SLC39A11: variants seen among roughly 807,000 people sequenced by gnomAD.
SLC39A11 encodes the protein zinc transporter ZIP11.
A neutral mutation model predicts 36.1 loss-of-function variants in SLC39A11; 33 were observed. That is an observed-to-expected ratio of 0.91 (90% CI 0.69 to 1.22). The LOEUF is 1.22. SLC39A11 is among the 50% of genes most tolerant of loss of function. SLC39A11 has a pLI of 0.00. For missense variants in SLC39A11, 432 were observed against 430.3 expected (o/e 1.00, Z -0.03); for synonymous variants, 166 against 170.3 (o/e 0.97, Z 0.20).
intron 7 of SLC39A11, among the ~76,000 whole-genome samples, chr17:72,685,386 G>A (rs1280035715): frequency 6.6e-6 from 1 of 152,294 alleles, no homozygotes; most frequent in African/African-American, 2.4e-5. Flanking sequence ...GGGCGGTTGA[G>A]GGCAAAATAA....
At chr17:72,701,309 C>T (rs2072605374) in intron 7 of SLC39A11, among the ~76,000 whole-genome samples, 1 of 152,212 alleles carries the variant, frequency 6.6e-6, no homozygotes, top group African/African-American at 2.4e-5. Context: ...TAGCTCCGCT[C>T]TCCACTGAGG....
chr17:73,004,163 A>AAAAGAAAGAAAAAG (rs2089999777), intron 4 of SLC39A11, among the ~76,000 whole-genome samples: 7 of 100,234 alleles, frequency 7.0e-5, no homozygotes, highest in African/African-American at 3.3e-4. Context: ...AAGAAGGAAA[A>AAAAGAAAGAAAAAG]AAAGAAAGAA....
chr17:72,834,812 T>C (rs1270717695), intron 6 of SLC39A11, among the ~76,000 whole-genome samples: 1 of 152,220 alleles, frequency 6.6e-6, no homozygotes, highest in Non-Finnish European at 1.5e-5. Flanking sequence ...GGTAGGAGGA[T>C]GGCATAATAC....
At chr17:72,780,572 C>T (rs1165249138) in intron 6 of SLC39A11, among the ~76,000 whole-genome samples, 1 of 150,688 alleles carries the variant, frequency 6.6e-6, no homozygotes, top group South Asian at 2.1e-4. Flanking sequence ...CTTGAACTTG[C>T]TCTGTGTCAG....
chr17:73,010,909 C>T (rs1422463821), intron 4 of SLC39A11, among the ~76,000 whole-genome samples: 2 of 152,196 alleles, frequency 1.3e-5, no homozygotes, highest in Non-Finnish European at 2.9e-5. Context: ...AAGCGTTTTC[C>T]TAACAATGAT....
At chr17:72,930,345 A>G (rs1267506321) in intron 5 of SLC39A11, among the ~76,000 whole-genome samples, 1 of 152,156 alleles carries the variant, frequency 6.6e-6, no homozygotes, top group African/African-American at 2.4e-5. Context: ...TTAATCCCAT[A>G]ACTAGCAAAG....
chr17:72,863,097 G>A (rs894213038), intron 5 of SLC39A11, among the ~76,000 whole-genome samples: 1 of 152,156 alleles, frequency 6.6e-6, no homozygotes, highest in Non-Finnish European at 1.5e-5. Context: ...AGAGGAGGAA[G>A]ATAGATCTAG....
intron 6 of SLC39A11, among the ~76,000 whole-genome samples, chr17:72,780,092 C>T (rs1002743478): frequency 7.2e-5 from 11 of 152,186 alleles, no homozygotes; most frequent in Non-Finnish European, 1.2e-4. Flanking sequence ...AAGTAGCCAA[C>T]GCAAAGATGA....
At chr17:72,771,533 C>T (rs1196118170) in intron 6 of SLC39A11, among the ~76,000 whole-genome samples, 1 of 151,912 alleles carries the variant, frequency 6.6e-6, no homozygotes, top group Non-Finnish European at 1.5e-5. Flanking sequence ...AGGAGGAGAG[C>T]CTGCAGCTGA....
intron 5 of SLC39A11, among the ~76,000 whole-genome samples, chr17:72,909,963 A>G (rs1356462021): frequency 6.6e-6 from 1 of 151,518 alleles, no homozygotes; most frequent in Non-Finnish European, 1.5e-5. Context: ...CGTGTTAGCC[A>G]GGATGGTCTC....
chr17:72,974,191 C>T (rs1304397477), intron 4 of SLC39A11, among the ~76,000 whole-genome samples: 1 of 152,152 alleles, frequency 6.6e-6, no homozygotes, highest in Non-Finnish European at 1.5e-5. Flanking sequence ...CCTCTACCTC[C>T]CAGGTTCAAC....
intron 6 of SLC39A11, among the ~76,000 whole-genome samples, chr17:72,779,374 G>A (rs1297751046): frequency 1.3e-5 from 2 of 152,124 alleles, no homozygotes; most frequent in Admixed American, 6.6e-5. Context: ...GCAGTGAGCC[G>A]AGATTGGACC....
intron 5 of SLC39A11, among the ~76,000 whole-genome samples, chr17:72,881,187 C>A (rs1181655737): frequency 6.6e-6 from 1 of 152,078 alleles, no homozygotes; most frequent in Non-Finnish European, 1.5e-5. Flanking sequence ...CATCATATGT[C>A]CACACAAAGA....
intron 4 of SLC39A11, among the ~76,000 whole-genome samples, chr17:72,956,993 T>G (rs1029432465): frequency 6.6e-6 from 1 of 151,990 alleles, no homozygotes; most frequent in Non-Finnish European, 1.5e-5. Flanking sequence ...AGGGGCTGGA[T>G]GGTCTAAGAT....
intron 4 of SLC39A11, among the ~76,000 whole-genome samples, chr17:73,012,658 G>A (rs181228629): frequency 2.0e-5 from 3 of 152,160 alleles, no homozygotes; most frequent in South Asian, 4.2e-4. Flanking sequence ...AGTCAGCACA[G>A]TACCCAGTAG....
At chr17:72,980,434 C>T (rs1179170695) in intron 4 of SLC39A11, among the ~76,000 whole-genome samples, 1 of 152,154 alleles carries the variant, frequency 6.6e-6, no homozygotes, top group East Asian at 1.9e-4. Context: ...GAGCTTTGTT[C>T]TTAGGCAGAA....
intron 7 of SLC39A11, among the ~76,000 whole-genome samples, chr17:72,677,712 T>G (rs569922761): frequency 2.6e-5 from 4 of 152,116 alleles, no homozygotes; most frequent in African/African-American, 9.6e-5. Context: ...CCAGGAACAC[T>G]TGGGGTATTG....
chr17:72,847,913 T>C (rs1011600978), intron 6 of SLC39A11, among the ~76,000 whole-genome samples: 36 of 152,188 alleles, frequency 2.4e-4, no homozygotes, highest in African/African-American at 8.4e-4. Flanking sequence ...ATTGGCACCA[T>C]GAACTCTGCA....
At chr17:72,991,159 A>G (rs1199827301) in intron 4 of SLC39A11, among the ~76,000 whole-genome samples, 1 of 152,162 alleles carries the variant, frequency 6.6e-6, no homozygotes, top group Non-Finnish European at 1.5e-5. Flanking sequence ...CTCTCTCCGC[A>G]CCAATTAGAG....
Sources: gnomAD v4.1 joint callset for allele counts (sites outside exome capture counted in the v4.1 genomes callset) on GRCh38, gnomAD v4.1.1 for gene constraint, MANE v1.5 for transcripts, NCBI Gene and HGNC (gene_info 2026-07-23, HGNC 2026-07-21) for gene names.